The following GPC5 variants were observed in gnomAD, a reference collection of about 807,000 sequenced individuals.
The protein encoded by GPC5 is glypican-5.
GPC5 carries 47 observed loss-of-function variants against 53.9 expected under a neutral mutation model. The observed-to-expected ratio is 0.87, with a 90% CI of 0.69 to 1.11. The LOEUF (loss-of-function observed/expected upper bound fraction) is 1.11. Among genes scored for constraint, GPC5 ranks in the 50% most tolerant of loss-of-function variants. The probability of loss-of-function intolerance (pLI) is 0.00; values close to 1 mark genes in which losing one functional copy is unlikely to be tolerated. For missense variants in GPC5, 748 were observed against 713.1 expected (o/e 1.05, Z -0.56); for synonymous variants, 286 against 263.3 (o/e 1.09, Z -0.84).
chr13:91,469,125 T>C (rs981340027), intron 2 of GPC5, among the ~76,000 whole-genome samples: 2 of 152,076 alleles, frequency 1.3e-5, no homozygotes, highest in Non-Finnish European at 2.9e-5. Flanking sequence ...CTTTCTTTTT[T>C]TGAGACATAG....
chr13:91,493,273 A>G (rs1293864974), intron 2 of GPC5, among the ~76,000 whole-genome samples: 1 of 152,226 alleles, frequency 6.6e-6, no homozygotes, highest in African/African-American at 2.4e-5. Flanking sequence ...TGATACAGGC[A>G]TGTAATGTAT....
At chr13:91,584,987 C>T (rs1420760960) in intron 2 of GPC5, among the ~76,000 whole-genome samples, 2 of 152,174 alleles carry the variant, frequency 1.3e-5, no homozygotes, top group Admixed American at 6.5e-5. Flanking sequence ...AAATATAAGA[C>T]ATCCCTATAA....
intron 5 of GPC5, among the ~76,000 whole-genome samples, chr13:91,778,847 C>A (rs1224670960): frequency 6.6e-6 from 1 of 152,210 alleles, no homozygotes; most frequent in Admixed American, 6.5e-5. Context: ...TCTATGCAAG[C>A]TTAGATGATA....
At chr13:92,691,883 A>G (rs1468778947) in intron 7 of GPC5, among the ~76,000 whole-genome samples, 1 of 152,024 alleles carries the variant, frequency 6.6e-6, no homozygotes, top group Non-Finnish European at 1.5e-5. Context: ...TTTTATCAAT[A>G]TCTATTTTAG....
chr13:92,620,762 T>C, intron 7 of GPC5, among the ~76,000 whole-genome samples: 1 of 152,240 alleles, frequency 6.6e-6, no homozygotes. Context: ...AATATATTAG[T>C]GTAAATGTTA....
intron 7 of GPC5, among the ~76,000 whole-genome samples, chr13:92,201,011 G>GCACACA (rs201197074): frequency 6.9e-6 from 1 of 145,036 alleles, no homozygotes; most frequent in Non-Finnish European, 1.5e-5. Flanking sequence ...ACACACACAC[G>GCACACA]CACACACACG....
chr13:92,843,302 T>C (rs149743334), intron 7 of GPC5, among the ~76,000 whole-genome samples: 7 of 152,258 alleles, frequency 4.6e-5, no homozygotes, highest in East Asian at 3.9e-4. Flanking sequence ...CTTAGAAACA[T>C]AGACTAAATT....
intron 7 of GPC5, among the ~76,000 whole-genome samples, chr13:92,784,375 C>CCT (rs1876138303): frequency 6.6e-6 from 1 of 151,934 alleles, no homozygotes; most frequent in Admixed American, 6.6e-5. Context: ...TTTTCTGCCA[C>CCT]TAAAGTGATC....
intron 6 of GPC5, among the ~76,000 whole-genome samples, chr13:91,917,387 C>T (rs1383409082): frequency 3.9e-5 from 6 of 152,272 alleles, no homozygotes; most frequent in African/African-American, 1.2e-4. Context: ...AAGGTGCAGG[C>T]CCCCCACCCC....
intron 4 of GPC5, among the ~76,000 whole-genome samples, chr13:91,751,487 A>C (rs576625270): frequency 6.6e-6 from 1 of 152,276 alleles, no homozygotes; most frequent in South Asian, 2.1e-4. Flanking sequence ...GGGCTTTAGG[A>C]CTCAGAATGA....
chr13:91,500,879 C>T (rs540411148), intron 2 of GPC5, among the ~76,000 whole-genome samples: 3 of 152,254 alleles, frequency 2.0e-5, no homozygotes, highest in African/African-American at 7.2e-5. Context: ...CCATACTGTT[C>T]TCATGGTGGT....
Position 91,415,507 on chromosome 13 carries a change from A to G in GPC5, c.163+16298A>G, listed in dbSNP as rs548001338. Among the ~76,000 whole-genome samples the G allele has an allele frequency of 1.5e-4, 23 of 152,072 alleles. No homozygotes were observed. In the South Asian group the frequency reaches 4.4e-3, roughly 29 times the overall value. ...TGGTGTTTCACTTCACCTATTCCCCAGTGCTTTTGGTTTCCCCAATGAGCC... is the reference window on the plus strand; with the variant it reads ...TGGTGTTTCACTTCACCTATTCCCCGGTGCTTTTGGTTTCCCCAATGAGCC... On this transcript the variant is annotated intron_variant, in intron 1 of 7. Transcript: ENST00000377067.
chr13:92,329,801 C>G (rs1313775178), intron 7 of GPC5, among the ~76,000 whole-genome samples: 1 of 152,104 alleles, frequency 6.6e-6, no homozygotes, highest in African/African-American at 2.4e-5. Context: ...CATCACAGGA[C>G]AGCCACGGTT....
chr13:91,944,103 C>CT (rs912358161), intron 6 of GPC5, among the ~76,000 whole-genome samples: 32 of 146,912 alleles, frequency 2.2e-4, no homozygotes, highest in South Asian at 4.3e-4. Context: ...TTATTTCTTT[C>CT]TTTTTTTTTT....
intron 3 of GPC5, among the ~76,000 whole-genome samples, chr13:91,696,639 CA>C (rs2035884438): frequency 6.6e-6 from 1 of 152,078 alleles, no homozygotes; most frequent in South Asian, 2.1e-4. Flanking sequence ...TCCATAAATA[CA>C]TATTTTCACT....
At chr13:92,550,084 G>T (rs1459945827) in intron 7 of GPC5, among the ~76,000 whole-genome samples, 4 of 151,680 alleles carry the variant, frequency 2.6e-5, no homozygotes, top group East Asian at 1.9e-4. Context: ...TCAGGGTTTT[G>T]ATTTTAAGTG....
intron 7 of GPC5, among the ~76,000 whole-genome samples, chr13:92,227,707 A>G (rs148015548): frequency 9.0e-4 from 124 of 137,734 alleles, no homozygotes; most frequent in African/African-American, 3.4e-3. Flanking sequence ...GGTGCCCCCA[A>G]CCCCAACACA....
At chr13:92,076,454 A>C (rs2041253068) in intron 6 of GPC5, among the ~76,000 whole-genome samples, 1 of 152,142 alleles carries the variant, frequency 6.6e-6, no homozygotes, top group Non-Finnish European at 1.5e-5. Context: ...TTTTACATTA[A>C]TTGCCAAATA....
intron 5 of GPC5, among the ~76,000 whole-genome samples, chr13:91,849,375 A>G (rs780736134): frequency 2.0e-4 from 30 of 152,194 alleles, no homozygotes; most frequent in Non-Finnish European, 1.3e-4. Context: ...GGAAAGAAGG[A>G]TGAGTGAATT....
Sources: allele counts gnomAD v4.1 joint callset (sites outside exome capture counted in the v4.1 genomes callset), GRCh38; gene constraint gnomAD v4.1.1; transcripts MANE v1.5; gene names NCBI Gene and HGNC (gene_info 2026-07-23, HGNC 2026-07-21).